Variants in ADGRG2 observed in about 807,000 individuals in gnomAD.
ADGRG2 encodes the protein G protein-coupled receptor 64.
Under a neutral mutation model 74.1 loss-of-function variants are expected in ADGRG2, and 26 were observed. That is an observed-to-expected ratio of 0.35 (90% CI 0.26 to 0.49). The LOEUF (loss-of-function observed/expected upper bound fraction) is 0.49. Among genes scored for constraint, ADGRG2 ranks in the 20% least tolerant of loss-of-function variants. The pLI is 0.99. For missense variants in ADGRG2, 619 were observed against 763.1 expected (o/e 0.81, Z 2.22); for synonymous variants, 296 against 295.2 (o/e 1.00, Z -0.03).
intron 1 of ADGRG2, among the ~76,000 whole-genome samples, chrX:19,119,670 T>C (rs993264045): frequency 1.8e-5 from 2 of 112,012 alleles, no homozygotes; most frequent in Middle Eastern, 4.6e-3. Context: ...CAGTTTCATC[T>C]GAGCCGTCAA....
intron 1 of ADGRG2, among the ~76,000 whole-genome samples, chrX:19,097,356 C>A (rs760719938): frequency 1.1e-4 from 12 of 112,088 alleles, no homozygotes; most frequent in African/African-American, 3.6e-4. Context: ...TACTAAAATA[C>A]AAAAATTAGC....
intron 2 of ADGRG2, among the ~76,000 whole-genome samples, chrX:19,082,319 G>A (rs963835182): frequency 3.6e-5 from 4 of 110,522 alleles, no homozygotes; most frequent in Non-Finnish European, 5.7e-5. Flanking sequence ...AGGGACACAC[G>A]TCCAGGGAGC....
rs58703932 is a variant in ADGRG2, at chrX:19,087,883, G to A, written c.-46-5137C>T. 9.6e-3 allele frequency among the ~76,000 whole-genome samples: 1,062 copies of A among 110,645 alleles called. 9 individuals carry two copies. The highest frequency in any genetic ancestry group is 0.033 in the African/African-American group (990 of 30,419). ...CTCTCTTTCACCCTACAGTGTCCCC[G>A]TTTTCCTTCCCTTCCCTTCCCTAGC... On this transcript the variant is annotated intron_variant, in intron 1 of 28. Transcript: ENST00000379869.
intron 2 of ADGRG2, among the ~76,000 whole-genome samples, chrX:19,069,852 C>G (rs1055392295): frequency 2.7e-5 from 3 of 112,598 alleles, no homozygotes; most frequent in African/African-American, 9.7e-5. Flanking sequence ...CTTACAACTT[C>G]ATTACTCCTG....
chrX:19,116,201 C>T (rs918667320), intron 1 of ADGRG2, among the ~76,000 whole-genome samples: 1 of 108,229 alleles, frequency 9.2e-6, no homozygotes, highest in Non-Finnish European at 1.9e-5. Context: ...GGCAAAAGAA[C>T]GAGATCCTGT....
At chrX:19,067,755 T>C (rs2061590646) in intron 3 of ADGRG2, among the ~76,000 whole-genome samples, 1 of 112,234 alleles carries the variant, frequency 8.9e-6, no homozygotes, top group African/African-American at 3.2e-5. Flanking sequence ...AAGGGATTAA[T>C]ATCCAGAATA....
chrX:19,020,178 T>A (rs56961356), intron 14 of ADGRG2, among the ~76,000 whole-genome samples: 24,727 of 111,020 alleles, frequency 0.22, 2,513 homozygotes, highest in African/African-American at 0.38. Flanking sequence ...TACAATTAAT[T>A]AGAATGTATT....
chrX:19,042,050 C>G (rs1213930427), intron 3 of ADGRG2, among the ~76,000 whole-genome samples: 2 of 111,199 alleles, frequency 1.8e-5, no homozygotes, highest in African/African-American at 6.6e-5. Flanking sequence ...TCCTGAGGCT[C>G]AAGCACTCAC....
intron 16 of ADGRG2, 25 bp downstream of exon 16, chrX:19,013,661 T>G: frequency 8.8e-7 from 1 of 1,139,078 alleles, no homozygotes; most frequent in Non-Finnish European, 1.2e-6. Context: ...ATTGGCAGAT[T>G]GGCCGCTGTT....
At chrX:19,070,240 C>A (rs2061632546) in intron 2 of ADGRG2, among the ~76,000 whole-genome samples, 2 of 112,876 alleles carry the variant, frequency 1.8e-5, no homozygotes, top group African/African-American at 6.4e-5. Flanking sequence ...ATTATTTTAT[C>A]ATCATTGCTT....
At chrX:19,110,553 G>A (rs1317153875) in intron 1 of ADGRG2, among the ~76,000 whole-genome samples, 2 of 109,861 alleles carry the variant, frequency 1.8e-5, no homozygotes, top group African/African-American at 6.6e-5. Context: ...GGGTGTGGTT[G>A]CATGCACCTA....
chrX:19,062,690 G>A (rs972592404), intron 3 of ADGRG2, among the ~76,000 whole-genome samples: 2 of 111,091 alleles, frequency 1.8e-5, no homozygotes, highest in African/African-American at 3.3e-5. Context: ...CGACTTCCTC[G>A]CAAGGAAGAC....
intron 28 of ADGRG2, among the ~76,000 whole-genome samples, chrX:18,991,907 C>T (rs990716254): frequency 1.8e-5 from 2 of 111,910 alleles, no homozygotes; most frequent in Non-Finnish European, 3.8e-5. Flanking sequence ...TCATTTAGAG[C>T]CCTGCAGGGT....
intron 15 of ADGRG2, among the ~76,000 whole-genome samples, chrX:19,016,177 G>C (rs1180238778): frequency 8.9e-6 from 1 of 112,370 alleles, no homozygotes; most frequent in Non-Finnish European, 1.9e-5. Context: ...TCTTTACTGC[G>C]GTGTAGCCTG....
intron 1 of ADGRG2, among the ~76,000 whole-genome samples, chrX:19,104,643 T>C (rs1169197888): frequency 5.4e-5 from 6 of 111,687 alleles, no homozygotes; most frequent in Non-Finnish European, 1.1e-4. Flanking sequence ...CTGGGTGTGG[T>C]GGCTCATGCC....
At chrX:19,068,900 A>C in intron 2 of ADGRG2, 65 bp from the exon 3 acceptor site, 20 of 517,654 alleles carry the variant, frequency 3.9e-5, no homozygotes, top group Non-Finnish European at 5.7e-5. Flanking sequence ...GCAATACCTC[A>C]AAGGTCATTC....
At chrX:19,072,845 G>A (rs1376503869) in intron 2 of ADGRG2, among the ~76,000 whole-genome samples, 6 of 112,466 alleles carry the variant, frequency 5.3e-5, no homozygotes, top group South Asian at 3.7e-4. Context: ...TGCATAAACC[G>A]AGAATGTCCT....
At chrX:19,026,168 T>C (rs1286289423) in intron 11 of ADGRG2, among the ~76,000 whole-genome samples, 1 of 112,265 alleles carries the variant, frequency 8.9e-6, no homozygotes, top group African/African-American at 3.2e-5. Flanking sequence ...TGCTGAATCA[T>C]TAGATGTAGC....
chrX:19,072,323 A>G (rs2061667999), intron 2 of ADGRG2, among the ~76,000 whole-genome samples: 1 of 111,454 alleles, frequency 9.0e-6, no homozygotes, highest in South Asian at 3.8e-4. Flanking sequence ...GCTATTTGGC[A>G]GAACCCTTAC....
Sources: allele counts gnomAD v4.1 joint callset (sites outside exome capture counted in the v4.1 genomes callset), GRCh38; gene constraint gnomAD v4.1.1; transcripts MANE v1.5; gene names NCBI Gene and HGNC (gene_info 2026-07-23, HGNC 2026-07-21).